The following CNBD1 variants were observed in gnomAD, a reference collection of about 807,000 sequenced individuals.
The protein encoded by CNBD1 is cyclic nucleotide binding domain containing 1.
In CNBD1, 71 loss-of-function variants were observed where a neutral mutation model predicts 54.4. The observed-to-expected ratio is 1.30, with a 90% CI of 1.08 to 1.59. The LOEUF is 1.59. CNBD1 is among the 40% of genes most tolerant of loss of function. The pLI is 0.00. For synonymous variants in CNBD1, 182 were observed against 170.7 expected (o/e 1.07, Z -0.51); for missense variants, 659 against 518.0 (o/e 1.27, Z -2.64).
chr8:87,192,469 T>C (rs1010006920), intron 4 of CNBD1, among the ~76,000 whole-genome samples: 5 of 152,172 alleles, frequency 3.3e-5, no homozygotes, highest in African/African-American at 9.7e-5. Context: ...AAATCTACGC[T>C]CTGGAATGAG....
chr8:87,062,043 A>G (rs777147222), intron 4 of CNBD1, among the ~76,000 whole-genome samples: 2 of 152,234 alleles, frequency 1.3e-5, no homozygotes, highest in African/African-American at 2.4e-5. Flanking sequence ...AGCCTGTGAC[A>G]CCAGTGAATG....
At chr8:87,281,216 A>C (rs1808591765) in intron 6 of CNBD1, among the ~76,000 whole-genome samples, 1 of 151,596 alleles carries the variant, frequency 6.6e-6, no homozygotes, top group Admixed American at 6.6e-5. Flanking sequence ...ATTCTGTTTC[A>C]AAGTCACATT....
chr8:87,340,777 A>G (rs1408767234), intron 8 of CNBD1, among the ~76,000 whole-genome samples: 2 of 150,946 alleles, frequency 1.3e-5, no homozygotes, highest in African/African-American at 4.9e-5. Flanking sequence ...TCTTTTTTAT[A>G]TTTTCTCTTT....
intron 2 of CNBD1, among the ~76,000 whole-genome samples, chr8:87,391,118 C>T (rs1294168212): frequency 5.9e-5 from 9 of 151,990 alleles, no homozygotes; most frequent in Admixed American, 3.3e-4. Context: ...GGAGGGATAG[C>T]ATTAGGATAT....
At chr8:86,986,867 A>G (rs1808620262) in intron 4 of CNBD1, among the ~76,000 whole-genome samples, 1 of 152,012 alleles carries the variant, frequency 6.6e-6, no homozygotes, top group Non-Finnish European at 1.5e-5. Context: ...CCATTGGTTG[A>G]TGTGTCTGTT....
intron 3 of CNBD1, among the ~76,000 whole-genome samples, chr8:86,918,673 G>A (rs1809224581): frequency 6.6e-6 from 1 of 151,598 alleles, no homozygotes; most frequent in South Asian, 2.1e-4. Flanking sequence ...TGCCATGATT[G>A]TGAGGCCTCC....
intron 4 of CNBD1, among the ~76,000 whole-genome samples, chr8:87,131,630 C>T (rs1487246282): frequency 2.0e-5 from 3 of 151,898 alleles, no homozygotes; most frequent in South Asian, 2.1e-4. Context: ...CAATATAAAA[C>T]ATTTTGCATC....
intron 4 of CNBD1, among the ~76,000 whole-genome samples, chr8:87,082,203 C>G (rs7813704): frequency 6.6e-6 from 1 of 152,130 alleles, no homozygotes; most frequent in Non-Finnish European, 1.5e-5. Context: ...ACATTCCCCC[C>G]GGACAATGAG....
At chr8:87,378,442 T>G (rs1247250954) in intron 10 of CNBD1, among the ~76,000 whole-genome samples, 1 of 151,060 alleles carries the variant, frequency 6.6e-6, no homozygotes, top group Non-Finnish European at 1.5e-5. Flanking sequence ...TTTCTCAGGT[T>G]TTTCAAAGAT....
intron 2 of CNBD1, among the ~76,000 whole-genome samples, chr8:86,903,367 C>T (rs1163694853): frequency 6.6e-6 from 1 of 152,100 alleles, no homozygotes; most frequent in Non-Finnish European, 1.5e-5. Flanking sequence ...CTATCCAGAG[C>T]ACAAATTGGA....
chr8:87,210,421 A>C (rs1814072406), intron 5 of CNBD1, among the ~76,000 whole-genome samples: 1 of 152,218 alleles, frequency 6.6e-6, no homozygotes, highest in Admixed American at 6.5e-5. Flanking sequence ...GCTGATAGCC[A>C]AGACAGTGGG....
intron 6 of CNBD1, among the ~76,000 whole-genome samples, chr8:87,270,922 A>T (rs1322653194): frequency 6.6e-6 from 1 of 151,308 alleles, no homozygotes; most frequent in African/African-American, 2.4e-5. Flanking sequence ...TTGATGGAGG[A>T]CTTTTTATTA....
rs558270758 is a variant in CNBD1, at chr8:87,034,882, G to A, written c.431+95128G>A. Among the ~76,000 whole-genome samples, 11 of 152,104 alleles carry A rather than the reference G, an allele frequency of 7.2e-5. No homozygotes were observed. The South Asian group carries it at 8.3e-4, about 11-fold the overall frequency. On this transcript the variant is annotated intron_variant, in intron 4 of 10. Coordinates refer to ENST00000518476, the MANE Select transcript of CNBD1 (RefSeq NM_173538.3). The stretch of plus-strand genomic sequence containing the variant: ...TATACATATATATAGATTTGGATGC[G>A]ACCTTGTAATTCAGATATGTACAAT...
chr8:87,078,264 A>G (rs1006906909), intron 4 of CNBD1, among the ~76,000 whole-genome samples: 1 of 152,216 alleles, frequency 6.6e-6, no homozygotes, highest in Non-Finnish European at 1.5e-5. Context: ...GTACTTTCAA[A>G]AGGTTCCTGA....
intron 3 of CNBD1, among the ~76,000 whole-genome samples, chr8:86,908,129 T>C (rs947486278): frequency 3.3e-5 from 5 of 152,148 alleles, no homozygotes; most frequent in African/African-American, 1.2e-4. Context: ...AAATGCTACA[T>C]AGAAATGTTA....
chr8:87,253,525 A>G (rs1042922800), intron 6 of CNBD1, among the ~76,000 whole-genome samples: 1 of 152,144 alleles, frequency 6.6e-6, no homozygotes, highest in African/African-American at 2.4e-5. Context: ...AGGATATTCC[A>G]TCTGATTTGC....
intron 4 of CNBD1, among the ~76,000 whole-genome samples, chr8:86,982,160 G>A (rs1339988975): frequency 6.6e-6 from 1 of 152,126 alleles, no homozygotes; most frequent in African/African-American, 2.4e-5. Context: ...AATAATTAAT[G>A]ATGTTGAACA....
intron 2 of CNBD1, among the ~76,000 whole-genome samples, chr8:87,415,644 T>C (rs1232092543): frequency 6.6e-6 from 1 of 151,982 alleles, no homozygotes; most frequent in Admixed American, 6.6e-5. Context: ...AGCTTTCTTC[T>C]TCTCTTTCTA....
chr8:86,943,311 GA>G (rs1563831365), intron 4 of CNBD1, among the ~76,000 whole-genome samples: 1 of 140,204 alleles, frequency 7.1e-6, no homozygotes, highest in African/African-American at 2.7e-5. Flanking sequence ...CGCGGGAGGC[GA>G]GCCGAGATTG....
Sources: gnomAD v4.1 joint callset for allele counts (sites outside exome capture counted in the v4.1 genomes callset) on GRCh38, gnomAD v4.1.1 for gene constraint, MANE v1.5 for transcripts, NCBI Gene and HGNC (gene_info 2026-07-23, HGNC 2026-07-21) for gene names.